Variants in LGSN observed in about 807,000 individuals in gnomAD.
The protein encoded by LGSN is lengsin.
A neutral mutation model predicts 19.5 loss-of-function variants in LGSN; 21 were observed. The ratio of observed to expected loss-of-function variants is 1.07; its 90% CI spans 0.76 to 1.55. LGSN has a LOEUF of 1.55. Ranked by LOEUF, LGSN falls within the 40% of genes most tolerant of loss-of-function variation. The pLI, the probability that LGSN is intolerant of heterozygous loss-of-function variation, is 0.00. For synonymous variants in LGSN, 257 were observed against 215.6 expected, an observed-to-expected ratio of 1.19 and a Z score of -1.68; for missense variants, 673 against 608.5, an observed-to-expected ratio of 1.11 and a Z score of -1.12.
chr6:63,571,091 G>A, the LGSN span: 5 of 152,238 alleles, frequency 3.3e-5, no homozygotes, highest in Non-Finnish European at 5.9e-5. Context: ...AAAATGTGTC[G>A]TAGGTGAGCC....
chr6:63,352,742 G>A, the LGSN span, among the ~76,000 whole-genome samples: 1 of 151,990 alleles, frequency 6.6e-6, no homozygotes, highest in South Asian at 2.1e-4. Context: ...GTTAGAGACT[G>A]TTCATCTGTC....
the LGSN span, among the ~76,000 whole-genome samples, chr6:63,495,355 GAA>G: frequency 6.6e-6 from 1 of 151,618 alleles, no homozygotes; most frequent in Admixed American, 6.6e-5. Context: ...AAGTAGCAGA[GAA>G]GAGATCCTTC....
At chr6:63,324,405 C>T (rs887017034), upstream of LGSN, among the ~76,000 whole-genome samples, 3 of 152,220 alleles carry the variant, frequency 2.0e-5, no homozygotes, top group African/African-American at 7.2e-5. Flanking sequence ...TTTCTCTTAA[C>T]TCTGTTCTGT....
chr6:63,327,294 A>G, the LGSN span, among the ~76,000 whole-genome samples: 1 of 152,232 alleles, frequency 6.6e-6, no homozygotes, highest in African/African-American at 2.4e-5. Context: ...GGTTAAAAAT[A>G]CAGGCCCCAA....
chr6:63,420,409 C>A, the LGSN span, among the ~76,000 whole-genome samples: 1 of 152,162 alleles, frequency 6.6e-6, no homozygotes, highest in Non-Finnish European at 1.5e-5. Flanking sequence ...TCTCCTTAAC[C>A]TCTTGCATAT....
chr6:63,475,122 G>A, the LGSN span, among the ~76,000 whole-genome samples: 4 of 151,892 alleles, frequency 2.6e-5, no homozygotes, highest in Non-Finnish European at 4.4e-5. Flanking sequence ...AAGAACTGAG[G>A]TATCAAAAAG....
chr6:63,504,812 A>G, the LGSN span, among the ~76,000 whole-genome samples: 1 of 152,244 alleles, frequency 6.6e-6, no homozygotes, highest in Non-Finnish European at 1.5e-5. Context: ...AATTGCAGTC[A>G]CTGAAATACA....
At chr6:63,369,604 T>C in the LGSN span, among the ~76,000 whole-genome samples, 2,519 of 152,264 alleles carry the variant, frequency 0.017, 76 homozygotes, top group African/African-American at 0.058. Context: ...GGAGAGTCAA[T>C]GCAATAAGAA....
chr6:63,391,370 A>G, the LGSN span, among the ~76,000 whole-genome samples: 1 of 152,216 alleles, frequency 6.6e-6, no homozygotes, highest in African/African-American at 2.4e-5. Context: ...CAGAATACAC[A>G]ATGTAGAGGA....
chr6:63,481,207 G>A, the LGSN span, among the ~76,000 whole-genome samples: 1 of 152,076 alleles, frequency 6.6e-6, no homozygotes, highest in African/African-American at 2.4e-5. Flanking sequence ...ATGTGACCTT[G>A]AGACTCAGAA....
intron 1 of LGSN, 37 bp downstream of exon 1, chr6:63,319,877 A>G (rs1769022007): frequency 6.8e-7 from 1 of 1,477,638 alleles, no homozygotes; most frequent in African/African-American, 1.4e-5. Flanking sequence ...TACTGTCAAT[A>G]TTTTGGTTAA....
At chr6:63,496,223 C>T in the LGSN span, among the ~76,000 whole-genome samples, 1 of 152,228 alleles carries the variant, frequency 6.6e-6, no homozygotes, top group African/African-American at 2.4e-5. Flanking sequence ...CAGTGTCCAG[C>T]CCTCTTGTGT....
At chr6:63,333,045 T>C in the LGSN span, among the ~76,000 whole-genome samples, 14 of 151,804 alleles carry the variant, frequency 9.2e-5, no homozygotes, top group South Asian at 2.1e-4. Context: ...ATAAAAGCAG[T>C]GTGGACCCAA....
chr6:63,571,450 G>A, the LGSN span: 1 of 152,136 alleles, frequency 6.6e-6, no homozygotes, highest in South Asian at 2.1e-4. Flanking sequence ...AAATAACAGA[G>A]GTGCCCTTGT....
the LGSN span, among the ~76,000 whole-genome samples, chr6:63,481,504 G>A: frequency 3.0e-5 from 4 of 132,752 alleles, no homozygotes; most frequent in South Asian, 2.6e-4. Flanking sequence ...CACCATGCCC[G>A]GCTAATTTTT....
the LGSN span, among the ~76,000 whole-genome samples, chr6:63,332,018 G>C: frequency 6.6e-6 from 1 of 152,176 alleles, no homozygotes; most frequent in African/African-American, 2.4e-5. Context: ...TTGGAAGAGT[G>C]ACACCTTTTG....
the LGSN span, among the ~76,000 whole-genome samples, chr6:63,449,854 ACT>A: frequency 2.6e-5 from 4 of 152,356 alleles, no homozygotes; most frequent in Admixed American, 2.0e-4. Flanking sequence ...AATGTAAGCC[ACT>A]ATGTGGCTTA....
chr6:63,388,194 G>A, the LGSN span, among the ~76,000 whole-genome samples: 6 of 152,130 alleles, frequency 3.9e-5, no homozygotes, highest in Middle Eastern at 6.8e-3. Flanking sequence ...TGAAACAGAA[G>A]ATGACTATGG....
chr6:63,350,251 T>C, the LGSN span, among the ~76,000 whole-genome samples: 1 of 152,222 alleles, frequency 6.6e-6, no homozygotes, highest in South Asian at 2.1e-4. Flanking sequence ...TTACCTTGAT[T>C]TCTTTCATTC....
Sources: gnomAD v4.1 joint callset for allele counts (sites outside exome capture counted in the v4.1 genomes callset) on GRCh38, gnomAD v4.1.1 for gene constraint, MANE v1.5 for transcripts, NCBI Gene and HGNC (gene_info 2026-07-23, HGNC 2026-07-21) for gene names.